Variants in MAPKAP1 observed in about 807,000 individuals in gnomAD.
The protein encoded by MAPKAP1 is target of rapamycin complex 2 subunit MAPKAP1.
MAPKAP1 carries 20 observed loss-of-function variants against 65.7 expected under a neutral mutation model. That is an observed-to-expected ratio of 0.30 (90% CI 0.21 to 0.44). The LOEUF (loss-of-function observed/expected upper bound fraction) is 0.44. MAPKAP1 is among the 20% of genes least tolerant of loss of function. The probability of loss-of-function intolerance (pLI) is 1.00; values close to 1 mark genes in which losing one functional copy is unlikely to be tolerated. For synonymous variants in MAPKAP1, 222 were observed against 244.3 expected, an observed-to-expected ratio of 0.91 and a Z score of 0.85; for missense variants, 423 against 648.0, an observed-to-expected ratio of 0.65 and a Z score of 3.77.
rs115103031 is a variant in MAPKAP1, at chr9:125,568,406, G to A, written c.672-8597C>T. 7.5e-3 allele frequency among the ~76,000 whole-genome samples: 1,139 copies of A among 152,270 alleles called. 19 individuals are homozygous for A. Among genetic ancestry groups the A allele is most frequent in the African/African-American group, 0.025 (1,056 of 41,546 alleles). ...CTGATGGGACTGCTAGAAAAGGTCC[G>A]TTTGCAACCAACGAGCAGCCGCCTG... On this transcript the variant is annotated intron_variant, in intron 5 of 11. Transcript: ENST00000265960.
chr9:125,573,600 C>A (rs1831305274), intron 5 of MAPKAP1, among the ~76,000 whole-genome samples: 1 of 152,218 alleles, frequency 6.6e-6, no homozygotes, highest in Non-Finnish European at 1.5e-5. Flanking sequence ...ACCCTGAATT[C>A]TTTCTTGCAT....
intron 4 of MAPKAP1, among the ~76,000 whole-genome samples, chr9:125,618,305 G>A (rs1178451648): frequency 1.7e-5 from 2 of 114,954 alleles, no homozygotes; most frequent in Admixed American, 1.3e-4. Flanking sequence ...TTGCGCCACT[G>A]CACTCCAGCC....
intron 8 of MAPKAP1, among the ~76,000 whole-genome samples, chr9:125,491,988 G>A (rs1241882686): frequency 1.4e-5 from 2 of 147,392 alleles, no homozygotes; most frequent in African/African-American, 5.0e-5. Context: ...GCCAGGAGTT[G>A]AAGAGCAGCC....
intron 8 of MAPKAP1, among the ~76,000 whole-genome samples, chr9:125,486,039 A>C (rs953236251): frequency 7.9e-5 from 12 of 152,100 alleles, no homozygotes; most frequent in African/African-American, 2.9e-4. Context: ...TTTCTTACTC[A>C]TTTTTATATC....
intron 10 of MAPKAP1, among the ~76,000 whole-genome samples, chr9:125,457,690 T>A (rs1853240846): frequency 6.6e-6 from 1 of 152,246 alleles, no homozygotes; most frequent in Non-Finnish European, 1.5e-5. Context: ...TTTGCAAGGA[T>A]TAGAGCAGTC....
intron 8 of MAPKAP1, among the ~76,000 whole-genome samples, chr9:125,500,040 G>A (rs754038092): frequency 3.9e-5 from 6 of 152,134 alleles, no homozygotes; most frequent in Non-Finnish European, 1.5e-5. Context: ...ATACTGCATA[G>A]TAGTTAAAAA....
intron 8 of MAPKAP1, among the ~76,000 whole-genome samples, chr9:125,502,291 G>T (rs1418630690): frequency 6.6e-6 from 1 of 151,704 alleles, no homozygotes; most frequent in Non-Finnish European, 1.5e-5. Flanking sequence ...TAGTAGAGAT[G>T]GGGTTTCACC....
intron 6 of MAPKAP1, among the ~76,000 whole-genome samples, chr9:125,552,119 G>T (rs556982551): frequency 6.6e-6 from 1 of 152,280 alleles, no homozygotes; most frequent in South Asian, 2.1e-4. Flanking sequence ...GCAAGTTAGG[G>T]ATTCCCATTT....
chr9:125,684,953 C>G (rs1834931796), intron 1 of MAPKAP1, among the ~76,000 whole-genome samples: 1 of 152,186 alleles, frequency 6.6e-6, no homozygotes, highest in Non-Finnish European at 1.5e-5. Context: ...GATTACAGAC[C>G]TGAGCCACCG....
At chr9:125,529,425 G>A (rs555872977) in intron 7 of MAPKAP1, among the ~76,000 whole-genome samples, 2 of 150,750 alleles carry the variant, frequency 1.3e-5, no homozygotes, top group East Asian at 3.9e-4. Context: ...TGAGAGATCT[G>A]CATGACCCTC....
At chr9:125,476,472 T>C (rs941365290) in intron 9 of MAPKAP1, among the ~76,000 whole-genome samples, 5 of 152,138 alleles carry the variant, frequency 3.3e-5, no homozygotes, top group Non-Finnish European at 5.9e-5. Context: ...AATGGAAACA[T>C]GGAAGATCAA....
At chr9:125,528,238 C>A (rs1280068581) in intron 7 of MAPKAP1, among the ~76,000 whole-genome samples, 1 of 152,244 alleles carries the variant, frequency 6.6e-6, no homozygotes, top group African/African-American at 2.4e-5. Flanking sequence ...GCCTCTGCCA[C>A]AAGCCTAAGT....
chr9:125,459,098 A>C (rs1481295218), intron 10 of MAPKAP1, among the ~76,000 whole-genome samples: 270 of 118,780 alleles, frequency 2.3e-3, no homozygotes, highest in African/African-American at 9.6e-3. Flanking sequence ...ACTTCTCAGA[A>C]GGGGCGGCCG....
At chr9:125,656,225 A>G (rs1352980473) in intron 4 of MAPKAP1, among the ~76,000 whole-genome samples, 1 of 152,206 alleles carries the variant, frequency 6.6e-6, no homozygotes, top group Non-Finnish European at 1.5e-5. Context: ...GAATCATTGT[A>G]GTATTTTTTT....
intron 4 of MAPKAP1, among the ~76,000 whole-genome samples, chr9:125,608,858 C>G (rs545074215): frequency 2.8e-4 from 42 of 152,114 alleles, no homozygotes; most frequent in Non-Finnish European, 4.9e-4. Context: ...AATATTAGTA[C>G]CAAGAGAAAT....
At chr9:125,559,487 C>G in intron 6 of MAPKAP1, 146 bp downstream of exon 6, 1 of 682,958 alleles carries the variant, frequency 1.5e-6, no homozygotes, top group African/African-American at 1.8e-5. Flanking sequence ...ATGTCGTCCT[C>G]AGCATCTCTC....
At chr9:125,554,138 G>A (rs1830666618) in intron 6 of MAPKAP1, among the ~76,000 whole-genome samples, 1 of 152,176 alleles carries the variant, frequency 6.6e-6, no homozygotes, top group Non-Finnish European at 1.5e-5. Flanking sequence ...CTTAGTAAAA[G>A]TCAAATGGCA....
chr9:125,542,977 C>T (rs1564549659), intron 7 of MAPKAP1, 82 bp downstream of exon 7: 2 of 922,776 alleles, frequency 2.2e-6, no homozygotes, highest in Non-Finnish European at 3.6e-6. Context: ...ATCTAGCCAG[C>T]CATCACACAC....
Position 125,572,367 on chromosome 9 carries a change from T to C in MAPKAP1, c.672-12558A>G, listed in dbSNP as rs1831260968. On this transcript the variant is annotated intron_variant, in intron 5 of 11. Transcript: ENST00000265960. ...TGGAACAGAGTTCCATCAAAGCCAA[T>C]TTTAAAAGAGGCTATGTGAAAAATA... 2.0e-5 allele frequency among the ~76,000 whole-genome samples: 3 copies of C among 152,212 alleles called. No homozygotes were observed. The South Asian group carries it at 6.2e-4, about 31-fold the overall frequency.
Sources: gnomAD v4.1 joint callset for allele counts (sites outside exome capture counted in the v4.1 genomes callset) on GRCh38, gnomAD v4.1.1 for gene constraint, MANE v1.5 for transcripts, NCBI Gene and HGNC (gene_info 2026-07-23, HGNC 2026-07-21) for gene names.